SLC35F3: variants seen among roughly 807,000 people sequenced by gnomAD.
SLC35F3 encodes the protein solute carrier family 35 member F3.
SLC35F3 carries 25 observed loss-of-function variants against 49.9 expected under a neutral mutation model. The ratio of observed to expected loss-of-function variants is 0.50; its 90% CI spans 0.37 to 0.70. The LOEUF is 0.70. Ranked by LOEUF, SLC35F3 falls within the 30% of genes least tolerant of loss-of-function variation. The probability of loss-of-function intolerance (pLI) is 0.00; values close to 1 mark genes in which losing one functional copy is unlikely to be tolerated. For synonymous variants in SLC35F3, 275 were observed against 265.4 expected (o/e 1.04, Z -0.35); for missense variants, 525 against 639.8 (o/e 0.82, Z 1.94).
intron 2 of SLC35F3, among the ~76,000 whole-genome samples, chr1:234,071,748 A>G (rs1181382758): frequency 6.6e-6 from 1 of 152,248 alleles, no homozygotes; most frequent in East Asian, 1.9e-4. Context: ...CTACAAACCT[A>G]TTAATAACAG....
chr1:233,950,484 CCTTT>C (rs772312940), intron 2 of SLC35F3, among the ~76,000 whole-genome samples: 54 of 140,078 alleles, frequency 3.9e-4, no homozygotes, highest in Non-Finnish European at 7.3e-4. Flanking sequence ...TTCCTTCCTT[CCTTT>C]CTCCCTCCCC....
intron 3 of SLC35F3, among the ~76,000 whole-genome samples, chr1:234,280,587 C>G (rs749093979): frequency 1.3e-5 from 2 of 152,154 alleles, no homozygotes; most frequent in Non-Finnish European, 2.9e-5. Flanking sequence ...GAATTAAAGA[C>G]AGGAAGCATG....
chr1:234,299,877 T>C (rs1181098035), intron 3 of SLC35F3, among the ~76,000 whole-genome samples: 2 of 148,848 alleles, frequency 1.3e-5, no homozygotes, highest in Non-Finnish European at 3.0e-5. Flanking sequence ...TTTACCACAA[T>C]TAAAAATTTA....
chr1:234,200,890 G>A (rs1666891906), intron 2 of SLC35F3, among the ~76,000 whole-genome samples: 1 of 152,174 alleles, frequency 6.6e-6, no homozygotes, highest in South Asian at 2.1e-4. Context: ...TCTATTTAGT[G>A]TTCCCAGAAT....
At chr1:233,986,170 A>T (rs1034362777) in intron 2 of SLC35F3, among the ~76,000 whole-genome samples, 2 of 152,130 alleles carry the variant, frequency 1.3e-5, no homozygotes, top group African/African-American at 4.8e-5. Context: ...GTTAGCTATT[A>T]CTCTTACATT....
chr1:234,002,014 G>C (rs1368642609), intron 2 of SLC35F3, among the ~76,000 whole-genome samples: 1 of 152,198 alleles, frequency 6.6e-6, no homozygotes, highest in Non-Finnish European at 1.5e-5. Context: ...GACTCACCCT[G>C]TAGGAGGACC....
chr1:234,212,806 A>G (rs1286990730), intron 2 of SLC35F3: 2 of 152,234 alleles, frequency 1.3e-5, no homozygotes, highest in African/African-American at 2.4e-5. Context: ...AATATACAAC[A>G]TGTAATTCTT....
intron 2 of SLC35F3, among the ~76,000 whole-genome samples, chr1:233,971,841 A>T (rs1662999129): frequency 6.6e-6 from 1 of 152,188 alleles, no homozygotes; most frequent in South Asian, 2.1e-4. Flanking sequence ...AGGGAGGCTG[A>T]GGCACATACT....
intron 3 of SLC35F3, among the ~76,000 whole-genome samples, chr1:234,236,801 C>T (rs1667476870): frequency 6.6e-6 from 1 of 151,670 alleles, no homozygotes. Context: ...GGAGGTCAAT[C>T]CAGGTCAACA....
chr1:234,214,558 C>A lies in SLC35F3; in HGVS notation c.284-16859C>A. The A allele has an allele frequency of 3.2e-6, 5 of 1,557,766 alleles. No individual in the cohort carries two copies. Among genetic ancestry groups the A allele is most frequent in the East Asian group, 2.5e-5 (1 of 39,710 alleles). On this transcript the variant is annotated intron_variant, in intron 2 of 7. Transcript: ENST00000366618. This position sits in a 1 kb window ranked among gnomAD's most constrained non-coding sequence, Gnocchi z 8.0. ...GCGCCTGCAACAGTCCGGTCCTGAC[C>A]CTTACCAAAGTGGAAGGTAATGCGC...
chr1:233,957,581 G>A lies in SLC35F3; in HGVS notation c.283+51823G>A, dbSNP rs538930749. 9.9e-5 allele frequency among the ~76,000 whole-genome samples: 15 copies of A among 152,260 alleles called. No individual in the cohort carries two copies. Among genetic ancestry groups the A allele is most frequent in the African/African-American group, 3.6e-4 (15 of 41,552 alleles). On this transcript the variant is annotated intron_variant, in intron 2 of 7. Coordinates refer to ENST00000366618, the MANE Select transcript of SLC35F3 (RefSeq NM_173508.4). This position sits in a 1 kb window ranked among gnomAD's most constrained non-coding sequence, Gnocchi z 4.0. ...TGTAATCCCAGCACTTTGGGAGGCC[G>A]AGGCAGGTGGATCACCTGAAGTCAG...
chr1:233,975,794 G>A (rs1044546037), intron 2 of SLC35F3, among the ~76,000 whole-genome samples: 6 of 152,192 alleles, frequency 3.9e-5, no homozygotes, highest in African/African-American at 1.2e-4. Flanking sequence ...TGTGCAGCTC[G>A]GAGGTGCAGG....
At chr1:234,280,985 T>A (rs553066820) in intron 3 of SLC35F3, among the ~76,000 whole-genome samples, 1 of 152,226 alleles carries the variant, frequency 6.6e-6, no homozygotes, top group Non-Finnish European at 1.5e-5. Context: ...GCAGCTTGGG[T>A]TCCATGCTGC....
chr1:234,311,121 A>C (rs947997829), intron 4 of SLC35F3, among the ~76,000 whole-genome samples: 1 of 152,232 alleles, frequency 6.6e-6, no homozygotes. Flanking sequence ...AGCACTGTGC[A>C]GTTATGAGTC....
intron 3 of SLC35F3, among the ~76,000 whole-genome samples, chr1:234,304,943 C>T (rs537082866): frequency 9.9e-5 from 15 of 151,884 alleles, no homozygotes; most frequent in Admixed American, 9.2e-4. Context: ...AAAAGAAGCA[C>T]CAGAAAAACT....
At chr1:233,916,431 C>T (rs1661973568) in intron 2 of SLC35F3, among the ~76,000 whole-genome samples, 1 of 152,116 alleles carries the variant, frequency 6.6e-6, no homozygotes, top group South Asian at 2.1e-4. Flanking sequence ...CCACATCTGG[C>T]TAACTTTTTA....
At chr1:234,305,739 A>G (rs974741957) in intron 3 of SLC35F3, among the ~76,000 whole-genome samples, 24 of 152,128 alleles carry the variant, frequency 1.6e-4, no homozygotes, top group African/African-American at 5.8e-4. Context: ...GATTTCATGG[A>G]AAAAAAGTTT....
chr1:233,934,948 C>A (rs1384444654), intron 2 of SLC35F3, among the ~76,000 whole-genome samples: 1 of 151,394 alleles, frequency 6.6e-6, no homozygotes, highest in Non-Finnish European at 1.5e-5. Flanking sequence ...TCTTATCATG[C>A]TTCTTGGAAG....
intron 2 of SLC35F3, among the ~76,000 whole-genome samples, chr1:233,938,683 TGGATG>T (rs1250512403): frequency 6.6e-6 from 1 of 151,004 alleles, no homozygotes; most frequent in Non-Finnish European, 1.5e-5. Context: ...GGTGGATGGA[TGGATG>T]GATGGATGGA....
Sources: gnomAD v4.1 joint callset for allele counts (sites outside exome capture counted in the v4.1 genomes callset) on GRCh38, gnomAD v4.1.1 for gene constraint, Gnocchi (gnomAD v3.1) non-coding constraint, MANE v1.5 for transcripts, NCBI Gene and HGNC (gene_info 2026-07-23, HGNC 2026-07-21) for gene names.